NAV1: variants seen among roughly 807,000 people sequenced by gnomAD.
NAV1 encodes the protein neuron navigator 1.
NAV1 carries 18 observed loss-of-function variants against 175.2 expected under a neutral mutation model. The ratio of observed to expected loss-of-function variants is 0.10; its 90% CI spans 0.07 to 0.15. The LOEUF (loss-of-function observed/expected upper bound fraction) is 0.15. Ranked by LOEUF, NAV1 falls within the 10% of genes least tolerant of loss-of-function variation. The pLI, the probability that NAV1 is intolerant of heterozygous loss-of-function variation, is 1.00. For missense variants in NAV1, 1,731 were observed against 2,436.6 expected, an observed-to-expected ratio of 0.71 and a Z score of 6.10; for synonymous variants, 897 against 978.7, an observed-to-expected ratio of 0.92 and a Z score of 1.56.
chr1:201,624,929 C>T (rs2102283557), intron 1 of NAV1, among the ~76,000 whole-genome samples: 1 of 152,262 alleles, frequency 6.6e-6, no homozygotes, highest in East Asian at 1.9e-4. Flanking sequence ...CCACTAGGAG[C>T]TTTAACCTTC....
intron 1 of NAV1, among the ~76,000 whole-genome samples, chr1:201,671,776 C>T (rs1378997059): frequency 2.0e-5 from 3 of 152,182 alleles, no homozygotes; most frequent in African/African-American, 7.2e-5. Flanking sequence ...GGGCTCTGGT[C>T]TGGGAGTTCC....
intron 1 of NAV1, among the ~76,000 whole-genome samples, chr1:201,677,304 C>A (rs543487880): frequency 2.3e-4 from 35 of 151,806 alleles, no homozygotes; most frequent in Admixed American, 9.8e-4. Flanking sequence ...TCCCCCAACC[C>A]CAGGCTCACC....
chr1:201,700,565 C>T (rs750783758), intron 1 of NAV1, among the ~76,000 whole-genome samples: 3 of 152,134 alleles, frequency 2.0e-5, no homozygotes, highest in Non-Finnish European at 4.4e-5. Context: ...TACCATTTGA[C>T]CCAGCGATTC....
chr1:201,781,030 A>G, exon 5 of NAV1: 2 of 1,612,492 alleles, frequency 1.2e-6, no homozygotes, highest in Non-Finnish European at 1.7e-6. Context: ...AGACTCAGAG[A>G]AGCGCTCACT....
At position 201,808,363 on chromosome 1, in the gene NAV1, C is replaced by G. The variant is rs1482368261; in HGVS notation, c.3846-55C>G. On this transcript the variant is annotated intron_variant, in intron 18 of 29. Transcript: ENST00000367296. The surrounding 1 kb of genome is among the most constrained non-coding windows in gnomAD (Gnocchi z 5.5). ...CACCAACCATGCCTCTCAATATTCT[C>G]TAGTAACTCTAGTGCTTCTTCATGT... 1.3e-6 allele frequency: 2 copies of G among 1,549,184 alleles called. No individual in the cohort carries two copies. The highest frequency in any genetic ancestry group is 3.8e-5 in the Admixed American group (2 of 52,608).
intron 1 of NAV1, among the ~76,000 whole-genome samples, chr1:201,689,506 TC>T (rs1437585083): frequency 2.6e-5 from 4 of 152,152 alleles, no homozygotes; most frequent in Non-Finnish European, 5.9e-5. Context: ...CTCCAGAGAC[TC>T]CTAGGTTCAT....
intron 1 of NAV1, among the ~76,000 whole-genome samples, chr1:201,698,657 T>C (rs1385120674): frequency 6.6e-6 from 1 of 151,880 alleles, no homozygotes; most frequent in Non-Finnish European, 1.5e-5. Context: ...CAGGCAGGAG[T>C]GTGATAGGCA....
At chr1:201,683,320 C>T (rs192235297) in intron 1 of NAV1, among the ~76,000 whole-genome samples, 4 of 152,214 alleles carry the variant, frequency 2.6e-5, no homozygotes, top group Admixed American at 1.3e-4. Flanking sequence ...GGGTCTATAC[C>T]GGCGATCCCC....
intron 2 of NAV1, among the ~76,000 whole-genome samples, chr1:201,641,089 T>G (rs1473176268): frequency 6.6e-6 from 1 of 152,158 alleles, no homozygotes; most frequent in East Asian, 1.9e-4. Context: ...TAATTCTACC[T>G]CCAAAACCAG....
At chr1:201,773,893 T>TGC (rs1675760267) in intron 3 of NAV1, among the ~76,000 whole-genome samples, 2 of 152,212 alleles carry the variant, frequency 1.3e-5, no homozygotes, top group African/African-American at 4.8e-5. Context: ...ATCTCTCATA[T>TGC]GCTCATTCAG....
At chr1:201,556,721 C>T (rs1158545487) in intron 1 of NAV1, among the ~76,000 whole-genome samples, 6 of 152,228 alleles carry the variant, frequency 3.9e-5, no homozygotes, top group Admixed American at 3.3e-4. Flanking sequence ...TAAGGACCAG[C>T]CCTGCCCCCT....
chr1:201,774,259 T>C (rs918239770), intron 3 of NAV1, among the ~76,000 whole-genome samples: 1 of 152,202 alleles, frequency 6.6e-6, no homozygotes, highest in Non-Finnish European at 1.5e-5. Flanking sequence ...TAGCCCTGCA[T>C]AACTCTGAGC....
intron 2 of NAV1, among the ~76,000 whole-genome samples, chr1:201,593,395 C>T (rs1410283499): frequency 6.6e-6 from 1 of 152,312 alleles, no homozygotes; most frequent in Non-Finnish European, 1.5e-5. Context: ...ATTTGCTCTC[C>T]CTCCAAGCCC....
chr1:201,698,323 G>A (rs1671273858), intron 1 of NAV1, among the ~76,000 whole-genome samples: 1 of 152,202 alleles, frequency 6.6e-6, no homozygotes, highest in South Asian at 2.1e-4. Flanking sequence ...GATGATGCCT[G>A]ACCACAGCTG....
chr1:201,617,868 C>T (rs1168988813), intron 2 of NAV1, among the ~76,000 whole-genome samples: 1 of 152,192 alleles, frequency 6.6e-6, no homozygotes, highest in African/African-American at 2.4e-5. Flanking sequence ...TCAATCTGCT[C>T]AGACAGAATA....
intron 1 of NAV1, among the ~76,000 whole-genome samples, chr1:201,671,725 C>T (rs1670051737): frequency 6.6e-6 from 1 of 152,176 alleles, no homozygotes; most frequent in African/African-American, 2.4e-5. Context: ...GCATTTCTCA[C>T]AGAATCTCCT....
At position 201,787,977 on chromosome 1, in the gene NAV1, A is replaced by C. The variant is rs189963070; in HGVS notation, c.2996-491A>C. On this transcript the variant is annotated intron_variant, in intron 9 of 29. Transcript: ENST00000367296. This position sits in a 1 kb window ranked among gnomAD's most constrained non-coding sequence, Gnocchi z 4.3. ...TGTGGGGAGATTCTCACGCCCTTCCACAATGCCAGGGCAACGGGATCCCGT... is the reference window on the plus strand; with the variant it reads ...TGTGGGGAGATTCTCACGCCCTTCCCCAATGCCAGGGCAACGGGATCCCGT... Among the ~76,000 whole-genome samples, 930 of 152,270 alleles carry C rather than the reference A, an allele frequency of 6.1e-3. 10 individuals carry two copies. Among genetic ancestry groups the C allele is most frequent in the African/African-American group, 0.021 (878 of 41,552 alleles).
At chr1:201,683,260 G>A (rs1478896020) in intron 1 of NAV1, among the ~76,000 whole-genome samples, 2 of 152,142 alleles carry the variant, frequency 1.3e-5, no homozygotes, top group African/African-American at 2.4e-5. Flanking sequence ...TATGTGTTTG[G>A]GGGATGAAGA....
intron 15 of NAV1, among the ~76,000 whole-genome samples, chr1:201,802,540 G>A (rs906969467): frequency 6.6e-6 from 1 of 151,368 alleles, no homozygotes; most frequent in African/African-American, 2.4e-5. Flanking sequence ...CAGCACTTTG[G>A]GAGGCTGAGG....
Sources: allele counts gnomAD v4.1 joint callset (sites outside exome capture counted in the v4.1 genomes callset), GRCh38; gene constraint gnomAD v4.1.1; non-coding constraint Gnocchi (gnomAD v3.1); transcripts MANE v1.5; gene names NCBI Gene and HGNC (gene_info 2026-07-23, HGNC 2026-07-21).